The following ROR2 variants were observed in gnomAD, a reference collection of about 807,000 sequenced individuals.
The protein encoded by ROR2 is tyrosine-protein kinase transmembrane receptor ROR2.
A neutral mutation model predicts 74.9 loss-of-function variants in ROR2; 33 were observed. The ratio of observed to expected loss-of-function variants is 0.44; its 90% confidence interval spans 0.33 to 0.59. The LOEUF (loss-of-function observed/expected upper bound fraction) is 0.59, where lower values mean the gene tolerates loss of function less well. Ranked by LOEUF, ROR2 falls within the 20% of genes least tolerant of loss-of-function variation. The pLI, the probability that ROR2 is intolerant of heterozygous loss-of-function variation, is 0.02. For missense variants in ROR2, 1,216 were observed against 1,313.8 expected (o/e 0.93, Z 1.15); for synonymous variants, 586 against 558.7 (o/e 1.05, Z -0.69).
At chr9:91,811,662 C>T (rs1287766947) in intron 1 of ROR2, among the ~76,000 whole-genome samples, 6 of 152,212 alleles carry the variant, frequency 3.9e-5, no homozygotes, top group African/African-American at 1.4e-4. Context: ...TGGCCACAGA[C>T]ACCCAGGGCC....
intron 1 of ROR2, among the ~76,000 whole-genome samples, chr9:91,791,947 T>G (rs1348788717): frequency 1.3e-5 from 2 of 152,218 alleles, no homozygotes; most frequent in East Asian, 1.9e-4. Context: ...AGAAGAAAAT[T>G]TAGGAAATTC....
chr9:91,738,047 G>A (rs1825097803), intron 4 of ROR2, among the ~76,000 whole-genome samples: 2 of 152,152 alleles, frequency 1.3e-5, no homozygotes, highest in Admixed American at 1.3e-4. Flanking sequence ...TTAGGGCAGT[G>A]AAATATTCTG....
chr9:91,724,601 G>A lies in ROR2; in HGVS notation c.1893C>T (p.Ile631=). 6.2e-7 allele frequency: 1 copy of A among 1,614,242 alleles called. No homozygotes were observed. Among genetic ancestry groups the A allele is most frequent in the Non-Finnish European group, 8.5e-7 (1 of 1,180,044 alleles). ...CCTCTCGGAAGAGGCCCAAGTCTGA[G>A]ATCTTCACGTTCAGCTTGTCGTACA... ...VLVYDKLNVK[I]SDLGLFREVY... Residue 631 remains isoleucine (I), a synonymous_variant, in exon 9 of 9, where the codon ATC becomes ATT. Transcript: ENST00000375708.
chr9:91,802,328 G>T (rs754583217), intron 1 of ROR2, among the ~76,000 whole-genome samples: 5 of 151,826 alleles, frequency 3.3e-5, no homozygotes, highest in Non-Finnish European at 5.9e-5. Context: ...CGCCTGCCTC[G>T]GCCTCTCAAA....
rs959373680 is a variant in ROR2 at position 91,803,860 on chromosome 9, T to G, written c.98-28042A>C. Among the ~76,000 whole-genome samples the G allele has an allele frequency of 5.3e-5, 8 of 152,248 alleles. No homozygotes were observed. The East Asian group carries it at 1.5e-3, about 29-fold the overall frequency. On this transcript the variant is annotated intron_variant, in intron 1 of 8. Coordinates refer to ENST00000375708, the MANE Select transcript of ROR2 (RefSeq NM_004560.4). The stretch of plus-strand genomic sequence containing the variant: ...TCAAGAATTGCTTTGACTGTGCAAG[T>G]CCTGCTTCATGGTAGACCTTACAAT...
At chr9:91,789,018 G>A (rs1414076341) in intron 1 of ROR2, among the ~76,000 whole-genome samples, 2 of 152,138 alleles carry the variant, frequency 1.3e-5, no homozygotes, top group Non-Finnish European at 2.9e-5. Flanking sequence ...CGGTCAATGG[G>A]TTCAAAGTTA....
intron 1 of ROR2, among the ~76,000 whole-genome samples, chr9:91,812,644 G>C (rs1827799966): frequency 6.6e-6 from 1 of 151,970 alleles, no homozygotes; most frequent in African/African-American, 2.4e-5. Flanking sequence ...AGCTGGGTGT[G>C]TGTGAACTGT....
At chr9:91,912,900 G>A (rs1297529320) in intron 1 of ROR2, among the ~76,000 whole-genome samples, 2 of 152,146 alleles carry the variant, frequency 1.3e-5, no homozygotes, top group Admixed American at 6.5e-5. Flanking sequence ...AGGCCGAGGC[G>A]GGAGGATTAC....
chr9:91,835,198 G>C (rs1828574858), intron 1 of ROR2, among the ~76,000 whole-genome samples: 1 of 151,880 alleles, frequency 6.6e-6, no homozygotes, highest in African/African-American at 2.4e-5. Flanking sequence ...CAAGGGTCCT[G>C]CACCAATCCA....
At chr9:91,810,408 C>G (rs1355878035) in intron 1 of ROR2, among the ~76,000 whole-genome samples, 1 of 152,120 alleles carries the variant, frequency 6.6e-6, no homozygotes, top group African/African-American at 2.4e-5. Context: ...GCGGGATTGA[C>G]GGGTGCGGTT....
In ROR2 at chr9:91,746,857, G is replaced by GGTGTGTGT. The variant is rs57891940; in HGVS notation, c.494+9206_494+9213dup. 9.9e-4 allele frequency among the ~76,000 whole-genome samples: 148 copies of GGTGTGTGT among 150,028 alleles called. 2 individuals carry two copies. Among genetic ancestry groups the GGTGTGTGT allele is most frequent in the African/African-American group, 3.3e-3 (133 of 40,882 alleles). Reference sequence around the variant, plus strand: ...AAGAATAACACACTTTCCTTGAGCAGGTGTGTGTGTGTGTGTGTGTGTGTG... The same window carrying GGTGTGTGT: ...AAGAATAACACACTTTCCTTGAGCAGGTGTGTGTGTGTGTGTGTGTGTGTGTGTGTGTG... On this transcript the variant is annotated intron_variant, in intron 4 of 8. Coordinates refer to ENST00000375708, the MANE Select transcript of ROR2 (RefSeq NM_004560.4).
chr9:91,828,480 G>A (rs549737237), intron 1 of ROR2, among the ~76,000 whole-genome samples: 7 of 152,192 alleles, frequency 4.6e-5, no homozygotes, highest in Non-Finnish European at 8.8e-5. Context: ...TTGTGATGCC[G>A]AAGTGGGTGG....
intron 1 of ROR2, among the ~76,000 whole-genome samples, chr9:91,784,033 G>A (rs920408840): frequency 1.4e-4 from 22 of 152,012 alleles, no homozygotes; most frequent in African/African-American, 4.1e-4. Flanking sequence ...CCGCTCCCCT[G>A]AAAGCCAACT....
intron 1 of ROR2, among the ~76,000 whole-genome samples, chr9:91,901,264 T>C (rs748892486): frequency 6.6e-6 from 1 of 152,198 alleles, no homozygotes; most frequent in Non-Finnish European, 1.5e-5. Context: ...ACTGTACCCA[T>C]GGGAAATGCA....
intron 2 of ROR2, among the ~76,000 whole-genome samples, chr9:91,757,764 A>T (rs1188323466): frequency 1.3e-5 from 2 of 152,162 alleles, no homozygotes; most frequent in Non-Finnish European, 2.9e-5. Context: ...TCCTATGGGA[A>T]ATACAGAGTC....
rs756391469 is a variant in ROR2, at chr9:91,775,746, A to T, written c.170T>A (p.Leu57Gln). 6.2e-7 allele frequency: 1 copy of T among 1,613,998 alleles called. No individual in the cohort carries two copies. Among genetic ancestry groups the T allele is most frequent in the Admixed American group, 1.7e-5 (1 of 60,022 alleles). Reference sequence around the variant, plus strand: ...ACCTGCATGTCCCAGCTCACCTTTCAGAGTTGGAATCGGGCCGTCCTGCCC... The same window carrying T: ...ACCTGCATGTCCCAGCTCACCTTTCTGAGTTGGAATCGGGCCGTCCTGCCC... The part of the protein sequence containing the change: ...LDGQDGPIPT[L>Q]KGYFLNFLEP... Residue 57 changes from leucine (L) to glutamine (Q), a missense_variant, in exon 2 of 9, where the codon CTG becomes CAG. By Grantham distance (113) the Leu-to-Gln change is moderately radical (BLOSUM62 -2). Coordinates refer to ENST00000375708, the MANE Select transcript of ROR2 (RefSeq NM_004560.4).
Position 91,746,340 on chromosome 9 carries a change from G to T in ROR2, c.495-8822C>A, listed in dbSNP as rs7036112. On this transcript the variant is annotated intron_variant, in intron 4 of 8. Coordinates refer to ENST00000375708, the MANE Select transcript of ROR2 (RefSeq NM_004560.4). Reference sequence around the variant, plus strand: ...GATCAGCCCGCCCTGGCCTCCCAAAGTGCTGGGATTACAGGCCTGAGCCAC... The same window carrying T: ...GATCAGCCCGCCCTGGCCTCCCAAATTGCTGGGATTACAGGCCTGAGCCAC... Among the ~76,000 whole-genome samples, 1,329 of 152,288 alleles carry T rather than the reference G, an allele frequency of 8.7e-3. 18 individuals are homozygous for T. The highest frequency in any genetic ancestry group is 0.03 in the African/African-American group (1,258 of 41,566).
intron 1 of ROR2, among the ~76,000 whole-genome samples, chr9:91,874,620 C>A (rs190937919): frequency 1.3e-3 from 202 of 152,288 alleles, no homozygotes; most frequent in African/African-American, 4.7e-3. Flanking sequence ...GAAACCAAAA[C>A]TGAAAACTCT....
At chr9:91,776,385 C>T (rs1001069807) in intron 1 of ROR2, among the ~76,000 whole-genome samples, 20 of 152,124 alleles carry the variant, frequency 1.3e-4, no homozygotes, top group Non-Finnish European at 2.8e-4. Context: ...CAAATTTACC[C>T]GTCCCCAAAA....
Sources: allele counts gnomAD v4.1 joint callset (sites outside exome capture counted in the v4.1 genomes callset), GRCh38; gene constraint gnomAD v4.1.1; transcripts MANE v1.5; gene names NCBI Gene and HGNC (gene_info 2026-07-23, HGNC 2026-07-21).